Variants in ADM observed in about 807,000 individuals in gnomAD.
ADM encodes the protein adrenomedullin.
Under a neutral mutation model 9.0 loss-of-function variants are expected in ADM, and 4 were observed. The ratio of observed to expected loss-of-function variants is 0.44; its 90% CI spans 0.22 to 1.02. The LOEUF is 1.02. ADM is among the 50% of genes least tolerant of loss of function. ADM has a pLI of 0.24. For synonymous variants in ADM, 107 were observed against 107.2 expected (o/e 1.00, Z 0.01); for missense variants, 253 against 254.1 (o/e 1.00, Z 0.03).
In ADM at chr11:10,306,379, T is replaced by C. The variant is rs777250833; in HGVS notation, c.296T>C (p.Met99Thr). The C allele has an allele frequency of 3.3e-5, 47 of 1,415,824 alleles. No homozygotes were observed. The highest frequency in any genetic ancestry group is 3.2e-5 in the Non-Finnish European group (34 of 1,058,294). The allele number at this position is 1,415,824 out of a possible 1,614,324, so 87.7% of individuals were successfully genotyped here. A position where few individuals can be genotyped will look rare whatever the true frequency, so the allele number is the denominator to read the frequency against. The change falls in exon 4 of 4, where the codon ATG becomes ACG. Residue 99 changes from methionine (M) to threonine (T), a missense_variant. By Grantham distance (81) the Met-to-Thr change is moderately conservative. Coordinates refer to ENST00000278175, the MANE Select transcript of ADM (RefSeq NM_001124.3). Reference sequence around the variant, plus strand: ...CGAGTCAAGCGCTACCGCCAGAGCATGAACAACTTCCAGGGCCTCCGGAGC... The same window carrying C: ...CGAGTCAAGCGCTACCGCCAGAGCACGAACAACTTCCAGGGCCTCCGGAGC... Reference protein sequence around the residue: ...RIRVKRYRQSMNNFQGLRSFG... With the variant: ...RIRVKRYRQSTNNFQGLRSFG...
chr11:10,305,575 CG>C (rs1964644190), intron 1 of ADM, 104 bp from the exon 2 acceptor site: 2 of 904,616 alleles, frequency 2.2e-6, no homozygotes, highest in East Asian at 5.2e-5. Flanking sequence ...AGGGAAAGCG[CG>C]GGCTAAACCC....
In ADM at chr11:10,306,506, C is replaced by T. The variant is rs1264507577; in HGVS notation, c.423C>T (p.Ile141=). ...ACAACGTCGCCCCCAGGAGCAAGATCAGCCCCCAGGGCTACGGCCGCCGGC... is the reference window on the plus strand; with the variant it reads ...ACAACGTCGCCCCCAGGAGCAAGATTAGCCCCCAGGGCTACGGCCGCCGGC... The part of the protein sequence containing the change: ...DKDNVAPRSK[I]SPQGYGRRRR... Residue 141 remains isoleucine (I), a synonymous_variant, in exon 4 of 4, where the codon ATC becomes ATT. Transcript: ENST00000278175. 1.1e-5 allele frequency: 17 copies of T among 1,613,222 alleles called. No homozygotes were observed. The highest frequency in any genetic ancestry group is 1.4e-5 in the Non-Finnish European group (16 of 1,179,882).
intron 3 of ADM, 21 bp from the exon 4 acceptor site, chr11:10,306,311 T>TGGGGCGC: frequency 4.5e-6 from 7 of 1,543,762 alleles, no homozygotes; most frequent in Non-Finnish European, 6.2e-6. Flanking sequence ...TTGCCTTTCT[T>TGGGGCGC]CCCCCTCCCC....
intron 3 of ADM, 70 bp downstream of exon 3, chr11:10,306,168 C>G (rs1193358744): frequency 2.8e-5 from 44 of 1,576,226 alleles, no homozygotes; most frequent in Non-Finnish European, 3.6e-5. Context: ...TCTGTCTCCA[C>G]TCCCCTGGCC....
At position 10,305,201 on chromosome 11, in the gene ADM, A is replaced by G. The variant is rs2133658769; in HGVS notation, c.-50A>G. On this transcript the variant is annotated 5_prime_UTR_variant, in exon 1 of 4. Coordinates refer to ENST00000278175, the MANE Select transcript of ADM (RefSeq NM_001124.3). ...TGGGACGTCTGAGACTTTCTCCTTC[A>G]AGTACTTGGCAGATCACTCTCTTAG... The G allele has an allele frequency of 6.2e-6, 1 of 160,436 alleles. No individual in the cohort carries two copies. The highest frequency in any genetic ancestry group is 1.7e-4 in the South Asian group (1 of 5,958). The allele number at this position is 160,436 out of a possible 1,614,324, so 9.9% of individuals were successfully genotyped here.
rs1489425976 is a variant in ADM, at chr11:10,306,558, C to T, written c.475C>T (p.Pro159Ser). The change falls in exon 4 of 4, where the codon CCG (proline) becomes TCG (serine). Residue 159 changes from proline to serine, a missense_variant. Pro to Ser is a moderately conservative substitution (Grantham distance 74). Transcript: ENST00000278175. ...RRRRSLPEAG[P>S]GRTLVSSKPQ... ...CCGGCGCTCCCTGCCCGAGGCCGGC[C>T]CGGGTCGGACTCTGGTGTCTTCTAA... 6.2e-7 allele frequency: 1 copy of T among 1,611,992 alleles called. No individual in the cohort carries two copies. Among genetic ancestry groups the T allele is most frequent in the Non-Finnish European group, 8.5e-7 (1 of 1,179,290 alleles).
In ADM at chr11:10,306,018, C is replaced by T. The variant is rs763002208; in HGVS notation, c.168C>T (p.Leu56=). 3.7e-6 allele frequency: 6 copies of T among 1,613,964 alleles called. No homozygotes were observed. The highest frequency in any genetic ancestry group is 2.2e-5 in the East Asian group (1 of 44,858). ...TGTCCAGCAGCTACCCCACCGGGCT[C>T]GCTGACGTGAAGGCCGGGCCTGCCC... The part of the protein sequence containing the change: ...LRMSSSYPTG[L]ADVKAGPAQT... The change falls in exon 3 of 4, where the codon CTC becomes CTT. Residue 56 remains leucine, a synonymous_variant. Coordinates refer to ENST00000278175, the MANE Select transcript of ADM (RefSeq NM_001124.3).
rs930788702 is a variant in ADM at position 10,307,277 on chromosome 11, A to G, written c.*636A>G. ...GTGGAATGTGAGTGTGTTTGTGTGC[A>G]TGAAAGAGAAAGACTGATTACCTCC... On this transcript the variant is annotated 3_prime_UTR_variant, in exon 4 of 4. Transcript: ENST00000278175. The surrounding 1 kb of genome is among the most constrained non-coding windows in gnomAD (Gnocchi z 4.5). 4 of 152,824 alleles carry G rather than the reference A, an allele frequency of 2.6e-5. No individual in the cohort carries two copies. The highest frequency in any genetic ancestry group is 2.1e-4 in the South Asian group (1 of 4,828). The allele number at this position is 152,824 out of a possible 1,614,324, so 9.5% of individuals were successfully genotyped here.
Position 10,306,048 on chromosome 11 carries a change from C to G in ADM, c.198C>G (p.Thr66=). The change falls in exon 3 of 4, where the codon ACC becomes ACG. Residue 66 remains threonine, a synonymous_variant. Coordinates refer to ENST00000278175, the MANE Select transcript of ADM (RefSeq NM_001124.3). ...LADVKAGPAQ[T]LIRPQDMKGA... ...ACGTGAAGGCCGGGCCTGCCCAGAC[C>G]CTTATTCGGCCCCAGGACATGAAGG... is the stretch of plus-strand genomic sequence containing the variant. 1 of 1,614,096 alleles carries G rather than the reference C, an allele frequency of 6.2e-7. No homozygotes were observed. Among genetic ancestry groups the G allele is most frequent in the Non-Finnish European group, 8.5e-7 (1 of 1,180,028 alleles).
In ADM at chr11:10,306,461, G is replaced by C; in HGVS notation, c.378G>C (p.Gln126His). 1.2e-6 allele frequency: 2 copies of C among 1,613,664 alleles called. No individual in the cohort carries two copies. Among genetic ancestry groups the C allele is most frequent in the Non-Finnish European group, 1.7e-6 (2 of 1,179,934 alleles). ...AGAAGCTGGCACACCAGATCTACCA[G>C]TTCACAGATAAGGACAAGGACAACG... Reference protein sequence around the residue: ...TVQKLAHQIYQFTDKDKDNVA... With the variant: ...TVQKLAHQIYHFTDKDKDNVA... The change falls in exon 4 of 4, where the codon CAG (glutamine) becomes CAC (histidine). Residue 126 changes from glutamine to histidine, a missense_variant. Transcript: ENST00000278175.
Position 10,306,325 on chromosome 11 carries a change from C to T in ADM, c.249-7C>T, listed in dbSNP as rs764380862. The T allele has an allele frequency of 2.5e-6, 4 of 1,569,010 alleles. No individual in the cohort carries two copies. Among genetic ancestry groups the T allele is most frequent in the Admixed American group, 1.7e-5 (1 of 58,294 alleles). Reference sequence around the variant, plus strand: ...GTTGCCTTTCTTCCCCCTCCCCCCGCCCGCAGCAGTCCGGATGCCGCCCGC... The same window carrying T: ...GTTGCCTTTCTTCCCCCTCCCCCCGTCCGCAGCAGTCCGGATGCCGCCCGC... On this transcript the variant is annotated splice_polypyrimidine_tract_variant and splice_region_variant and intron_variant, in intron 3 of 3. Transcript: ENST00000278175.
In ADM at chr11:10,306,110, C is replaced by T. The variant is rs753051680; in HGVS notation, c.248+12C>T. On this transcript the variant is annotated intron_variant, in intron 3 of 3. Coordinates refer to ENST00000278175, the MANE Select transcript of ADM (RefSeq NM_001124.3). ...AGCCCCGAAGACAGGTAACTACGCCCTGTGCTGTCCAGGGACGGGAGGGAA... is the reference window on the plus strand; with the variant it reads ...AGCCCCGAAGACAGGTAACTACGCCTTGTGCTGTCCAGGGACGGGAGGGAA... 2 of 1,613,478 alleles carry T rather than the reference C, an allele frequency of 1.2e-6. No individual in the cohort carries two copies. Among genetic ancestry groups the T allele is most frequent in the Non-Finnish European group, 1.7e-6 (2 of 1,179,862 alleles).
Position 10,306,311 on chromosome 11 carries a change from TCC to T in ADM, c.249-17_249-16del. ...TGATGGGGTCTCAAGTTGCCTTTCT[TCC>T]CCCTCCCCCCGCCCGCAGCAGTCCG... On this transcript the variant is annotated intron_variant, in intron 3 of 3. Coordinates refer to ENST00000278175, the MANE Select transcript of ADM (RefSeq NM_001124.3). The T allele has an allele frequency of 1.3e-6, 2 of 1,543,774 alleles. No individual in the cohort carries two copies. The highest frequency in any genetic ancestry group is 1.8e-6 in the Non-Finnish European group (2 of 1,126,136).
Position 10,306,692 on chromosome 11 carries a change from G to A in ADM, c.*51G>A. On this transcript the variant is annotated 3_prime_UTR_variant, in exon 4 of 4. Coordinates refer to ENST00000278175, the MANE Select transcript of ADM (RefSeq NM_001124.3). ...ATAGTCGCGCAAGCATCCCGCTGGT[G>A]CCTCCCGGGACGAAGGACTTCCCGA... 1 of 1,485,592 alleles carries A rather than the reference G, an allele frequency of 6.7e-7. No homozygotes were observed. Among genetic ancestry groups the A allele is most frequent in the Non-Finnish European group, 9.0e-7 (1 of 1,114,934 alleles). 92.0% of individuals were successfully genotyped at this position (1,485,592 alleles called of 1,614,324 possible).
intron 1 of ADM, chr11:10,305,451 C>T: frequency 1.8e-6 from 1 of 542,746 alleles, no homozygotes; most frequent in Non-Finnish European, 3.3e-6. Context: ...TGAGCAGAGA[C>T]CCTCTGGGAG....
chr11:10,306,395 C>T lies in ADM; in HGVS notation c.312C>T (p.Gly104=). ...GCCAGAGCATGAACAACTTCCAGGGCCTCCGGAGCTTTGGCTGCCGCTTCG... is the reference window on the plus strand; with the variant it reads ...GCCAGAGCATGAACAACTTCCAGGGTCTCCGGAGCTTTGGCTGCCGCTTCG... The part of the protein sequence containing the change: ...RYRQSMNNFQ[G]LRSFGCRFGT... The change falls in exon 4 of 4, where the codon GGC becomes GGT. Residue 104 remains glycine, a synonymous_variant. Coordinates refer to ENST00000278175, the MANE Select transcript of ADM (RefSeq NM_001124.3). The T allele has an allele frequency of 6.2e-7, 1 of 1,613,050 alleles. No homozygotes were observed. The highest frequency in any genetic ancestry group is 1.1e-5 in the South Asian group (1 of 91,040).
chr11:10,306,167 A>C, intron 3 of ADM, 69 bp downstream of exon 3: 1 of 1,581,080 alleles, frequency 6.3e-7, no homozygotes, highest in East Asian at 2.3e-5. Flanking sequence ...CTCTGTCTCC[A>C]CTCCCCTGGC....
intron 1 of ADM, chr11:10,305,433 C>T: frequency 2.0e-6 from 1 of 510,524 alleles, no homozygotes; most frequent in Non-Finnish European, 3.5e-6. Context: ...AGCCAAGTTC[C>T]AAGAAGTTGA....
In ADM at chr11:10,306,312, C is replaced by CGGGCGG; in HGVS notation, c.249-20_249-19insGGGCGG. 7 of 705,908 alleles carry CGGGCGG rather than the reference C, an allele frequency of 9.9e-6. No homozygotes were observed. The highest frequency in any genetic ancestry group is 1.6e-5 in the Non-Finnish European group (7 of 429,186). The allele number at this position is 705,908 out of a possible 1,614,324, so 43.7% of individuals were successfully genotyped here. On this transcript the variant is annotated intron_variant, in intron 3 of 3. Transcript: ENST00000278175. ...GATGGGGTCTCAAGTTGCCTTTCTTCCCCCTCCCCCCGCCCGCAGCAGTCC... is the reference window on the plus strand; with the variant it reads ...GATGGGGTCTCAAGTTGCCTTTCTTCGGGCGGCCCCTCCCCCCGCCCGCAGCAGTCC...
Sources: allele counts gnomAD v4.1 joint callset, GRCh38; gene constraint gnomAD v4.1.1; non-coding constraint Gnocchi (gnomAD v3.1); transcripts MANE v1.5; gene names NCBI Gene and HGNC (gene_info 2026-07-23, HGNC 2026-07-21).